ERBB4: variants seen among roughly 807,000 people sequenced by gnomAD.
ERBB4 encodes the protein erb-b2 receptor tyrosine kinase 4, also known as receptor tyrosine-protein kinase erbB-4.
In ERBB4, 42 loss-of-function variants were observed where a neutral mutation model predicts 158.0. The observed-to-expected ratio is 0.27, with a 90% CI of 0.21 to 0.34. The LOEUF (loss-of-function observed/expected upper bound fraction) is 0.34, where lower values mean the gene tolerates loss of function less well. Among genes scored for constraint, ERBB4 ranks in the 10% least tolerant of loss-of-function variants. ERBB4 has a pLI of 1.00. For synonymous variants in ERBB4, 583 were observed against 558.7 expected (o/e 1.04, Z -0.61); for missense variants, 1,333 against 1,624.1 (o/e 0.82, Z 3.08).
chr2:211,691,855 A>G (rs2072835272), intron 12 of ERBB4, among the ~76,000 whole-genome samples: 1 of 152,080 alleles, frequency 6.6e-6, no homozygotes, highest in South Asian at 2.1e-4. Context: ...GGTACCCTGT[A>G]AACTGGTGAG....
intron 2 of ERBB4, among the ~76,000 whole-genome samples, chr2:212,098,585 A>C (rs900088409): frequency 2.6e-5 from 4 of 152,188 alleles, no homozygotes; most frequent in African/African-American, 9.6e-5. Flanking sequence ...TTGTATTAAA[A>C]GACCTGCTAG....
intron 2 of ERBB4, among the ~76,000 whole-genome samples, chr2:211,950,045 C>T (rs1031688693): frequency 3.3e-5 from 5 of 152,092 alleles, no homozygotes; most frequent in African/African-American, 1.2e-4. Context: ...CCTTCTCTGG[C>T]CACACCCTTC....
rs1038726580 is a variant in ERBB4 at position 212,073,811 on chromosome 2, T to A, written c.234+50941A>T. Among the ~76,000 whole-genome samples the A allele has an allele frequency of 6.1e-4, 91 of 148,550 alleles. 1 individual carries two copies. Among genetic ancestry groups the A allele is most frequent in the Non-Finnish European group, 9.4e-4 (63 of 67,230 alleles). ...TATACTTACACAATCAAAGCATGAT[T>A]ATTTTTTTACATTCAACAAGATTTA... On this transcript the variant is annotated intron_variant, in intron 2 of 27. Coordinates refer to ENST00000342788, the MANE Select transcript of ERBB4 (RefSeq NM_005235.3).
chr2:211,445,533 T>G (rs1241781392), intron 20 of ERBB4, among the ~76,000 whole-genome samples: 2 of 152,118 alleles, frequency 1.3e-5, no homozygotes, highest in East Asian at 3.9e-4. Flanking sequence ...TGTTATTTCT[T>G]GTGGAGTTGT....
intron 15 of ERBB4, chr2:211,658,126 C>T: frequency 1.6e-6 from 1 of 620,320 alleles, no homozygotes; most frequent in Admixed American, 2.6e-5. Context: ...AATTTCAAGC[C>T]AGGAAGATTT....
chr2:212,293,231 T>C (rs1386630710), intron 1 of ERBB4, among the ~76,000 whole-genome samples: 1 of 152,030 alleles, frequency 6.6e-6, no homozygotes, highest in East Asian at 1.9e-4. Flanking sequence ...GAGCTGCTCA[T>C]TGTATAAGAT....
chr2:212,164,583 C>A (rs1043670148), intron 1 of ERBB4, among the ~76,000 whole-genome samples: 1 of 151,950 alleles, frequency 6.6e-6, no homozygotes, highest in African/African-American at 2.4e-5. Flanking sequence ...AAATATGACT[C>A]CATTTTGGGA....
intron 2 of ERBB4, among the ~76,000 whole-genome samples, chr2:212,019,026 T>C (rs529467448): frequency 6.6e-6 from 1 of 152,092 alleles, no homozygotes; most frequent in East Asian, 1.9e-4. Context: ...GCACATTCAT[T>C]GACATATACC....
At chr2:211,767,994 C>T (rs115514818) in intron 4 of ERBB4, among the ~76,000 whole-genome samples, 2,176 of 152,306 alleles carry the variant, frequency 0.014, 45 homozygotes, top group African/African-American at 0.05. Flanking sequence ...GTACCTTCCA[C>T]CTATGAGTCT....
intron 17 of ERBB4, 66 bp from the exon 18 acceptor site, chr2:211,624,110 T>C (rs1574876873): frequency 1.3e-6 from 2 of 1,593,486 alleles, no homozygotes; most frequent in East Asian, 4.5e-5. Context: ...TCTGTCTCTC[T>C]CTCTCTCTCT....
chr2:212,121,396 C>G (rs12151841), intron 2 of ERBB4, among the ~76,000 whole-genome samples: 1 of 151,872 alleles, frequency 6.6e-6, no homozygotes, highest in African/African-American at 2.4e-5. Context: ...TATTTTTAGT[C>G]GAGACGAGGT....
chr2:211,812,987 C>G (rs567127235), intron 3 of ERBB4, among the ~76,000 whole-genome samples: 1 of 152,174 alleles, frequency 6.6e-6, no homozygotes, highest in African/African-American at 2.4e-5. Context: ...ATCCCCTGAC[C>G]CTTTGCACTT....
At chr2:212,098,213 T>C (rs2078985513) in intron 2 of ERBB4, among the ~76,000 whole-genome samples, 1 of 152,192 alleles carries the variant, frequency 6.6e-6, no homozygotes, top group African/African-American at 2.4e-5. Context: ...ACAATGTAAC[T>C]AATTTACATT....
At chr2:211,975,885 C>T (rs933132388) in intron 2 of ERBB4, among the ~76,000 whole-genome samples, 3 of 152,086 alleles carry the variant, frequency 2.0e-5, no homozygotes, top group Non-Finnish European at 2.9e-5. Flanking sequence ...CAAGAAGAAG[C>T]AACTGGTCAA....
intron 19 of ERBB4, among the ~76,000 whole-genome samples, chr2:211,566,336 T>G (rs2067546607): frequency 6.6e-6 from 1 of 152,186 alleles, no homozygotes; most frequent in Non-Finnish European, 1.5e-5. Flanking sequence ...ACAGGGAGAC[T>G]GCAGCTGGAA....
At chr2:212,423,531 GAC>G (rs1458413283) in intron 1 of ERBB4, among the ~76,000 whole-genome samples, 2 of 152,144 alleles carry the variant, frequency 1.3e-5, no homozygotes, top group African/African-American at 4.8e-5. Context: ...AACTAAGTAT[GAC>G]ACACATGTGC....
intron 1 of ERBB4, among the ~76,000 whole-genome samples, chr2:212,398,131 T>TATATAC (rs2091085554): frequency 2.0e-5 from 3 of 151,498 alleles, no homozygotes; most frequent in Non-Finnish European, 4.4e-5. Flanking sequence ...TGTATATATA[T>TATATAC]ACACATATAT....
chr2:212,306,221 A>C lies in ERBB4; in HGVS notation c.83-181318T>G, dbSNP rs1264585842. ...AAAACTCTATGTCTGACCACTCCCC[A>C]AAAAATACAATATTTAATTGCACTT... On this transcript the variant is annotated intron_variant, in intron 1 of 27. Coordinates refer to ENST00000342788, the MANE Select transcript of ERBB4 (RefSeq NM_005235.3). 2.0e-5 allele frequency among the ~76,000 whole-genome samples: 3 copies of C among 151,464 alleles called. No homozygotes were observed. The Admixed American group carries it at 2.0e-4, about 10-fold the overall frequency.
intron 2 of ERBB4, among the ~76,000 whole-genome samples, chr2:211,982,270 A>T (rs888709796): frequency 6.6e-6 from 1 of 152,196 alleles, no homozygotes; most frequent in African/African-American, 2.4e-5. Context: ...ACTTAGTAAC[A>T]ATCAGTGTTA....
Sources: gnomAD v4.1 joint callset for allele counts (sites outside exome capture counted in the v4.1 genomes callset) on GRCh38, gnomAD v4.1.1 for gene constraint, MANE v1.5 for transcripts, NCBI Gene and HGNC (gene_info 2026-07-23, HGNC 2026-07-21) for gene names.